SPECC1L: variants seen among roughly 807,000 people sequenced by gnomAD.
SPECC1L encodes cytospin-A.
A neutral mutation model predicts 116.8 loss-of-function variants in SPECC1L; 40 were observed. That is an observed-to-expected ratio of 0.34 (90% CI 0.27 to 0.45). The LOEUF (loss-of-function observed/expected upper bound fraction) is 0.45. SPECC1L is among the 20% of genes least tolerant of loss of function. The probability of loss-of-function intolerance (pLI) is 1.00; values close to 1 mark genes in which losing one functional copy is unlikely to be tolerated. For missense variants in SPECC1L, 1,110 were observed against 1,373.6 expected, an observed-to-expected ratio of 0.81 and a Z score of 3.03; for synonymous variants, 504 against 500.6, an observed-to-expected ratio of 1.01 and a Z score of -0.09.
chr22:24,358,276 G>A (rs1294745001), intron 11 of SPECC1L, among the ~76,000 whole-genome samples: 1 of 151,706 alleles, frequency 6.6e-6, no homozygotes, highest in African/African-American at 2.4e-5. Context: ...CACCATGTCC[G>A]GCTAATGTTT....
chr22:24,380,379 G>C, intron 14 of SPECC1L, among the ~76,000 whole-genome samples: 1 of 152,178 alleles, frequency 6.6e-6, no homozygotes. Context: ...CACTTGACTA[G>C]TTTATGAGAG....
intron 11 of SPECC1L, 69 bp from the exon 12 acceptor site, chr22:24,363,192 C>A: frequency 7.2e-7 from 1 of 1,388,614 alleles, no homozygotes; most frequent in Non-Finnish European, 1.0e-6. Context: ...AACTCACCTT[C>A]TTTGTACCTT....
chr22:24,342,880 A>AG (rs934961254), intron 10 of SPECC1L, among the ~76,000 whole-genome samples: 4 of 151,852 alleles, frequency 2.6e-5, no homozygotes, highest in African/African-American at 9.7e-5. Flanking sequence ...CAGAGTGGGA[A>AG]GTGTGTCTGA....
intron 2 of SPECC1L, among the ~76,000 whole-genome samples, chr22:24,292,984 T>C (rs920003951): frequency 2.6e-5 from 4 of 151,788 alleles, no homozygotes; most frequent in African/African-American, 9.7e-5. Flanking sequence ...ATGAAGAGGA[T>C]GAGCTGGGCA....
At chr22:24,363,036 G>A (rs560573398) in intron 11 of SPECC1L, among the ~76,000 whole-genome samples, 7 of 152,276 alleles carry the variant, frequency 4.6e-5, no homozygotes, top group South Asian at 4.1e-4. Flanking sequence ...TGTGTGGGGC[G>A]TCTCATTCCT....
chr22:24,271,510 C>T lies in SPECC1L; in HGVS notation c.-142+527C>T, dbSNP rs181246888. ...CGGCGCCCGAGGCGGACGGAACGTCCTTTTTTCTTGAGACGTGGTTAATTG... is the reference window on the plus strand; with the variant it reads ...CGGCGCCCGAGGCGGACGGAACGTCTTTTTTTCTTGAGACGTGGTTAATTG... On this transcript the variant is annotated intron_variant, in intron 1 of 16. Transcript: ENST00000314328. Among the ~76,000 whole-genome samples, 161 of 152,354 alleles carry T rather than the reference C, an allele frequency of 1.1e-3. No homozygotes were observed. The East Asian group carries it at 0.019, about 18-fold the overall frequency.
At chr22:24,281,811 A>G (rs974156689) in intron 2 of SPECC1L, among the ~76,000 whole-genome samples, 7 of 152,202 alleles carry the variant, frequency 4.6e-5, no homozygotes, top group African/African-American at 1.7e-4. Flanking sequence ...TAGAACTTCT[A>G]AGTACATAAT....
intron 10 of SPECC1L, among the ~76,000 whole-genome samples, chr22:24,346,395 G>T (rs912437527): frequency 1.3e-5 from 2 of 152,246 alleles, no homozygotes; most frequent in African/African-American, 4.8e-5. Flanking sequence ...TGAGATGACA[G>T]GCTGTACTGG....
chr22:24,317,039 AC>A (rs1212808276), intron 4 of SPECC1L, among the ~76,000 whole-genome samples: 1 of 88,190 alleles, frequency 1.1e-5, no homozygotes, highest in African/African-American at 4.1e-5. Context: ...CGGGGGGCTG[AC>A]CCCCCCACCT....
intron 10 of SPECC1L, among the ~76,000 whole-genome samples, chr22:24,344,341 A>G (rs888343137): frequency 6.7e-6 from 1 of 149,730 alleles, no homozygotes; most frequent in African/African-American, 2.5e-5. Context: ...GGGAAAAAAA[A>G]TTAAAAAAAA....
chr22:24,347,999 G>A lies in SPECC1L; in HGVS notation c.2743+823G>A, dbSNP rs539861800. Among the ~76,000 whole-genome samples, 10 of 152,178 alleles carry A rather than the reference G, an allele frequency of 6.6e-5. No individual in the cohort carries two copies. The South Asian group carries it at 1.9e-3, about 28-fold the overall frequency. ...CCTTCCACGTAGTTTTTTTATGGTA[G>A]GGCTGGCACCAGAACCCAAGTATCC... On this transcript the variant is annotated intron_variant, in intron 11 of 16. Transcript: ENST00000314328.
intron 4 of SPECC1L, among the ~76,000 whole-genome samples, chr22:24,318,184 T>G (rs1601545878): frequency 2.0e-5 from 3 of 152,150 alleles, no homozygotes; most frequent in African/African-American, 7.2e-5. Context: ...GGGAGGTGGA[T>G]GTTGTAGCAA....
chr22:24,375,561 A>T (rs1237037840), intron 14 of SPECC1L, among the ~76,000 whole-genome samples: 1 of 152,236 alleles, frequency 6.6e-6, no homozygotes, highest in African/African-American at 2.4e-5. Flanking sequence ...TCATCTCACT[A>T]GACACTGTAA....
In SPECC1L at chr22:24,322,692, G is replaced by A; in HGVS notation, c.1712G>A (p.Ser571Asn). 6.2e-7 allele frequency: 1 copy of A among 1,607,292 alleles called. No individual in the cohort carries two copies. Among genetic ancestry groups the A allele is most frequent in the Admixed American group, 1.7e-5 (1 of 58,676 alleles). ...TLEEYKATVA[S>N]DQIEMNRLKA... Reference sequence around the variant, plus strand: ...GAGGAATACAAAGCCACAGTGGCCAGTGACCAGATAGAGATGAATCGCCTG... The same window carrying A: ...GAGGAATACAAAGCCACAGTGGCCAATGACCAGATAGAGATGAATCGCCTG... Residue 571 changes from serine to asparagine, a missense_variant, in exon 5 of 17, where the codon AGT (serine) becomes AAT (asparagine). Ser to Asn is a conservative substitution (Grantham distance 46, BLOSUM62 1). Coordinates refer to ENST00000314328, the MANE Select transcript of SPECC1L (RefSeq NM_015330.6).
At chr22:24,339,785 C>CTT (rs796169418) in intron 10 of SPECC1L, among the ~76,000 whole-genome samples, 18 of 91,998 alleles carry the variant, frequency 2.0e-4, no homozygotes, top group East Asian at 3.2e-4. Flanking sequence ...ATGTTATGTC[C>CTT]TTTTTTTTTT....
chr22:24,365,054 G>A (rs1405198060), intron 12 of SPECC1L, among the ~76,000 whole-genome samples: 1 of 152,094 alleles, frequency 6.6e-6, no homozygotes, highest in Non-Finnish European at 1.5e-5. Context: ...CGCCCAGGCT[G>A]GAGTGCAGAG....
chr22:24,412,625 C>T (rs1313063069), intron 15 of SPECC1L, 23 bp from the exon 16 acceptor site: 3 of 1,613,532 alleles, frequency 1.9e-6, no homozygotes, highest in Admixed American at 1.7e-5. Flanking sequence ...TCATGCACTG[C>T]AGTGACACAG....
intron 7 of SPECC1L, 90 bp from the exon 8 acceptor site, chr22:24,330,166 A>T (rs545057296): frequency 7.6e-7 from 1 of 1,320,422 alleles, no homozygotes; most frequent in African/African-American, 1.5e-5. Flanking sequence ...TTAGTGCATT[A>T]TAGCAATCCA....
intron 13 of SPECC1L, among the ~76,000 whole-genome samples, chr22:24,367,693 G>A (rs2041797648): frequency 6.6e-6 from 1 of 152,090 alleles, no homozygotes; most frequent in Non-Finnish European, 1.5e-5. Context: ...CTATTTCAAG[G>A]CTCCTCTCAA....
Sources: gnomAD v4.1 joint callset for allele counts (sites outside exome capture counted in the v4.1 genomes callset) on GRCh38, gnomAD v4.1.1 for gene constraint, MANE v1.5 for transcripts, NCBI Gene and HGNC (gene_info 2026-07-23, HGNC 2026-07-21) for gene names.